Variants in ZFP82 observed in about 807,000 individuals in gnomAD.
ZFP82 encodes zinc finger protein 82 homolog.
Under a neutral mutation model 54.0 loss-of-function variants are expected in ZFP82, and 30 were observed. The observed-to-expected ratio is 0.56, with a 90% CI of 0.42 to 0.75. The LOEUF (loss-of-function observed/expected upper bound fraction) is 0.75. ZFP82 is among the 30% of genes least tolerant of loss of function. ZFP82 has a pLI of 0.00. For missense variants in ZFP82, 500 were observed against 636.8 expected, an observed-to-expected ratio of 0.79 and a Z score of 2.31; for synonymous variants, 194 against 209.5, an observed-to-expected ratio of 0.93 and a Z score of 0.64.
intron 4 of ZFP82, 150 bp from the exon 5 acceptor site, chr19:36,394,260 G>C: frequency 1.4e-6 from 1 of 713,890 alleles, no homozygotes; most frequent in South Asian, 2.0e-5. Context: ...AAAAGCCAAA[G>C]GGAACATCAG....
intron 1 of ZFP82, among the ~76,000 whole-genome samples, chr19:36,413,701 G>A (rs2032617329): frequency 6.6e-6 from 1 of 152,086 alleles, no homozygotes; most frequent in East Asian, 1.9e-4. Context: ...TTAACTGTGA[G>A]AATTTGGACG....
At chr19:36,407,809 G>A in intron 3 of ZFP82, 78 bp downstream of exon 3, 2 of 1,494,692 alleles carry the variant, frequency 1.3e-6, no homozygotes, top group Non-Finnish European at 1.8e-6. Context: ...CTTCCTAAAA[G>A]ATACTCTTGA....
chr19:36,400,617 T>C (rs540500948), intron 4 of ZFP82, among the ~76,000 whole-genome samples: 51 of 152,266 alleles, frequency 3.3e-4, no homozygotes, highest in African/African-American at 1.2e-3. Context: ...AACTACACTG[T>C]TTTTCCCTTT....
In ZFP82 at chr19:36,392,981, C is replaced by T; in HGVS notation, c.1359G>A (p.Lys453=). ...GCAATCTAAAGGCCTTGCCACATTCCTTACATTTATAAGGTTTCTCACCAA... is the reference window on the plus strand; with the variant it reads ...GCAATCTAAAGGCCTTGCCACATTCTTTACATTTATAAGGTTTCTCACCAA... ...IHIGEKPYKC[K]ECGKAFRLRQ... Residue 453 remains lysine, a synonymous_variant, in exon 5 of 5, where the codon AAG becomes AAA. Transcript: ENST00000392161. The T allele has an allele frequency of 6.2e-7, 1 of 1,614,066 alleles. No homozygotes were observed. The highest frequency in any genetic ancestry group is 1.6e-4 in the Middle Eastern group (1 of 6,062).
intron 4 of ZFP82, among the ~76,000 whole-genome samples, chr19:36,405,168 G>A (rs986620612): frequency 6.4e-5 from 8 of 124,872 alleles, no homozygotes; most frequent in Admixed American, 4.0e-4. Context: ...TGGGCAACAA[G>A]AGCGAAACTG....
Position 36,392,900 on chromosome 19 carries a change from A to G in ZFP82, c.1440T>C (p.Cys480=). Residue 480 remains cysteine (C), a synonymous_variant, in exon 5 of 5, where the codon TGT becomes TGC. Transcript: ENST00000392161. The part of the protein sequence containing the change: ...SIHTGEKPFE[C]KECRKAFRLN... ...GTCTAAAGGCCTTCCTACATTCCTT[A>G]CACTCAAAGGGTTTTTCGCCAGTAT... is the stretch of plus-strand genomic sequence containing the variant. 6.2e-7 allele frequency: 1 copy of G among 1,613,880 alleles called. No homozygotes were observed. Among genetic ancestry groups the G allele is most frequent in the East Asian group, 2.2e-5 (1 of 44,842 alleles).
intron 4 of ZFP82, among the ~76,000 whole-genome samples, chr19:36,403,015 C>T (rs999486873): frequency 2.6e-5 from 4 of 151,806 alleles, no homozygotes; most frequent in Non-Finnish European, 5.9e-5. Context: ...TGGTGGCGGG[C>T]GCCTGTAGTT....
In ZFP82 at chr19:36,393,279, GT is replaced by G. The variant is rs762214416; in HGVS notation, c.1060del (p.Thr354HisfsTer144). 1 of 1,613,642 alleles carries G rather than the reference GT, an allele frequency of 6.2e-7. No individual in the cohort carries two copies. Among genetic ancestry groups the G allele is most frequent in the East Asian group, 2.2e-5 (1 of 44,852 alleles). Reference protein sequence around the residue: ...GKAFRVRQQLTLHQRIHTGEK... With the variant: ...GKAFRVRQQLXLHQRIHTGEK... ...ACCAGTATGAATTCTCTGATGGAGT[GT>G]TAGTTGTTGTCGCACTCTAAAGGCC... On this transcript the variant is annotated frameshift_variant, in exon 5 of 5. Transcript: ENST00000392161. LOFTEE classifies it high-confidence loss of function.
chr19:36,408,674 T>G (rs560822590), intron 2 of ZFP82, among the ~76,000 whole-genome samples: 1 of 152,100 alleles, frequency 6.6e-6, no homozygotes, highest in South Asian at 2.1e-4. Flanking sequence ...CAAAATTAGT[T>G]GGGCCTGGTG....
In ZFP82 at chr19:36,393,657, C is replaced by T; in HGVS notation, c.683G>A (p.Cys228Tyr). Residue 228 changes from cysteine (C) to tyrosine (Y), a missense_variant, in exon 5 of 5, where the codon TGT becomes TAT. By Grantham distance (194) the Cys-to-Tyr change is radical. Transcript: ENST00000392161. ...RLHSGEKLYE[C>Y]KECGEAFICG... is the part of the protein sequence containing the mutation. ...TATGAAAGCTTCCCCACATTCCTTA[C>T]ATTCATAGAGTTTTTCACCAGAATG... 1 of 1,614,136 alleles carries T rather than the reference C, an allele frequency of 6.2e-7. No individual in the cohort carries two copies. The highest frequency in any genetic ancestry group is 8.5e-7 in the Non-Finnish European group (1 of 1,180,038).
downstream of ZFP82, among the ~76,000 whole-genome samples, chr19:36,385,028 G>A (rs909577476): frequency 5.9e-5 from 9 of 152,136 alleles, no homozygotes; most frequent in Non-Finnish European, 1.2e-4. Flanking sequence ...GTTTGAATGT[G>A]TCCCCCAAAG....
chr19:36,406,849 T>C (rs2032490186), intron 3 of ZFP82, among the ~76,000 whole-genome samples: 1 of 152,172 alleles, frequency 6.6e-6, no homozygotes, highest in South Asian at 2.1e-4. Context: ...ATTTATAGGC[T>C]ACAATGTGAT....
In ZFP82 at chr19:36,392,676, G is replaced by A. The variant is rs2032220431; in HGVS notation, c.*65C>T. On this transcript the variant is annotated 3_prime_UTR_variant, in exon 5 of 5. Coordinates refer to ENST00000392161, the MANE Select transcript of ZFP82 (RefSeq NM_133466.4). ...TAATGCCAACGCAGTTGCATGTATG[G>A]AGCAAAATAGATTAATTACTACATT... The A allele has an allele frequency of 7.1e-7, 1 of 1,415,372 alleles. No individual in the cohort carries two copies. The allele number at this position is 1,415,372 out of a possible 1,614,324, so 87.7% of individuals were successfully genotyped here.
chr19:36,413,845 C>A (rs1413483123), intron 1 of ZFP82, among the ~76,000 whole-genome samples: 1 of 151,684 alleles, frequency 6.6e-6, no homozygotes, highest in African/African-American at 2.4e-5. Context: ...GCACTAAATT[C>A]AGTGAAAAAC....
chr19:36,407,081 T>C (rs1375732255), intron 3 of ZFP82, among the ~76,000 whole-genome samples: 3 of 144,000 alleles, frequency 2.1e-5, no homozygotes, highest in East Asian at 2.1e-4. Context: ...TTTCTTTTTT[T>C]TTTTTTTTTT....
At position 36,393,187 on chromosome 19, in the gene ZFP82, G is replaced by A; in HGVS notation, c.1153C>T (p.His385Tyr). The change falls in exon 5 of 5, where the codon CAC becomes TAC. Residue 385 changes from histidine (H) to tyrosine (Y), a missense_variant. Transcript: ENST00000392161. Reference protein sequence around the residue: ...FSRGYHLILHHRIHTGEKPYE... With the variant: ...FSRGYHLILHYRIHTGEKPYE... ...GGTTTTTCACCAGTATGAATTCTGT[G>A]ATGGAGAATAAGATGATAACCACGG... 6.2e-7 allele frequency: 1 copy of A among 1,613,960 alleles called. No homozygotes were observed. The highest frequency in any genetic ancestry group is 8.5e-7 in the Non-Finnish European group (1 of 1,179,954).
chr19:36,411,068 C>A (rs1043986100), intron 1 of ZFP82, among the ~76,000 whole-genome samples: 1 of 151,774 alleles, frequency 6.6e-6, no homozygotes, highest in Non-Finnish European at 1.5e-5. Context: ...TGGCAGACGC[C>A]TATAATCCCA....
Position 36,390,564 on chromosome 19 carries a change from ATCAAGT to A in ZFP82, c.*2171_*2176del, listed in dbSNP as rs1334208705. ...CCACTGTGTGTATCCATTTCATCAC[ATCAAGT>A]TCATCTGGCTGATCTCATTTAGAGA... On this transcript the variant is annotated 3_prime_UTR_variant, in exon 5 of 5. Transcript: ENST00000392161. 1 of 152,086 alleles carries A rather than the reference ATCAAGT, an allele frequency of 6.6e-6. No homozygotes were observed. The highest frequency in any genetic ancestry group is 2.4e-5 in the African/African-American group (1 of 41,390). 9.4% of individuals were successfully genotyped at this position (152,086 alleles called of 1,614,324 possible).
chr19:36,403,451 T>C (rs796436899), intron 4 of ZFP82, among the ~76,000 whole-genome samples: 122 of 149,622 alleles, frequency 8.2e-4, no homozygotes, highest in African/African-American at 3.0e-3. Context: ...AAACCCCATC[T>C]CTACAAAAAA....
Sources: allele counts gnomAD v4.1 joint callset (sites outside exome capture counted in the v4.1 genomes callset), GRCh38; gene constraint gnomAD v4.1.1; transcripts MANE v1.5; gene names NCBI Gene and HGNC (gene_info 2026-07-23, HGNC 2026-07-21).